Variants in AIDA observed in about 807,000 individuals in gnomAD.
The protein encoded by AIDA is axin interactor, dorsalization associated.
In AIDA, 18 loss-of-function variants were observed where a neutral mutation model predicts 42.7. That is an observed-to-expected ratio of 0.42 (90% CI 0.29 to 0.63). The LOEUF is 0.63. AIDA is among the 20% of genes least tolerant of loss of function. The pLI is 0.19. For synonymous variants in AIDA, 104 were observed against 122.9 expected, an observed-to-expected ratio of 0.85 and a Z score of 1.02; for missense variants, 250 against 354.1, an observed-to-expected ratio of 0.71 and a Z score of 2.36.
Position 222,693,845 on chromosome 1 carries a change from T to C in AIDA, c.235-2A>G. On this transcript the variant is annotated splice_acceptor_variant, in intron 3 of 9. Coordinates refer to ENST00000340020, the MANE Select transcript of AIDA (RefSeq NM_022831.4). LOFTEE classifies it high-confidence loss of function. ...AAATTCTTCTTGAGACTGTGTGGAC[T>C]AAATTTAAAATAAGCATATTACATC... 6.2e-7 allele frequency: 1 copy of C among 1,606,062 alleles called. No homozygotes were observed. Among genetic ancestry groups the C allele is most frequent in the South Asian group, 1.1e-5 (1 of 90,132 alleles).
In AIDA at chr1:222,696,949, G is replaced by GT. The variant is rs1195524218; in HGVS notation, c.181-2687dup. Among the ~76,000 whole-genome samples the GT allele has an allele frequency of 1.1e-3, 173 of 150,514 alleles. 1 individual carries two copies. The highest frequency in any genetic ancestry group is 3.4e-3 in the South Asian group (16 of 4,704). ...CAACAGGTGTTTTTTGTTTGTTTTT[G>GT]TTTTTTTTTAATATACGGAGTCTCA... On this transcript the variant is annotated intron_variant, in intron 2 of 9. Coordinates refer to ENST00000340020, the MANE Select transcript of AIDA (RefSeq NM_022831.4).
chr1:222,686,361 T>A (rs973181974), intron 6 of AIDA, among the ~76,000 whole-genome samples: 1 of 152,218 alleles, frequency 6.6e-6, no homozygotes, highest in African/African-American at 2.4e-5. Flanking sequence ...GTGAACAATA[T>A]GGTTTGTGCT....
At position 222,676,200 on chromosome 1, in the gene AIDA, A is replaced by C; in HGVS notation, c.479T>G (p.Leu160Trp). The change falls in exon 7 of 10, where the codon TTG becomes TGG. Residue 160 changes from leucine to tryptophan, a missense_variant. Physicochemically the swap from Leu to Trp is moderately conservative, Grantham distance 61. This residue lies in a region of AIDA where 199 missense variants were observed against 232.6 expected (regional missense o/e 0.86). Coordinates refer to ENST00000340020, the MANE Select transcript of AIDA (RefSeq NM_022831.4). ...TAATGTCATTCCTGGTTCCGATGGC[A>C]ACCTTGGTAATAAAGTACCTGGCAA... Reference protein sequence around the residue: ...ARVPGTLLPRLPSEPGMTLLT... With the variant: ...ARVPGTLLPRWPSEPGMTLLT... 1 of 1,609,864 alleles carries C rather than the reference A, an allele frequency of 6.2e-7. No homozygotes were observed.
chr1:222,688,427 G>A (rs963336015), intron 4 of AIDA, among the ~76,000 whole-genome samples: 7 of 152,004 alleles, frequency 4.6e-5, no homozygotes, highest in African/African-American at 1.5e-4. Context: ...TTCAGTCAGC[G>A]ACAGACCACA....
chr1:222,682,699 A>T (rs960523243), intron 6 of AIDA, among the ~76,000 whole-genome samples: 3 of 152,132 alleles, frequency 2.0e-5, no homozygotes, highest in Non-Finnish European at 4.4e-5. Flanking sequence ...CAGTCATCCA[A>T]ATTTTTTTTG....
intron 6 of AIDA, among the ~76,000 whole-genome samples, chr1:222,684,512 T>G (rs747292683): frequency 6.6e-6 from 1 of 152,218 alleles, no homozygotes; most frequent in Non-Finnish European, 1.5e-5. Context: ...AATTAAAAGT[T>G]AAGTATCATC....
In AIDA at chr1:222,676,163, T is replaced by A; in HGVS notation, c.516A>T (p.Arg172Ser). The A allele has an allele frequency of 6.2e-7, 1 of 1,613,392 alleles. No homozygotes were observed. The highest frequency in any genetic ancestry group is 8.5e-7 in the Non-Finnish European group (1 of 1,179,686). The change falls in exon 7 of 10, where the codon AGA becomes AGT. Residue 172 changes from arginine (R) to serine (S), a missense_variant. By Grantham distance (110) the Arg-to-Ser change is moderately radical. This residue lies in a region of AIDA where 199 missense variants were observed against 232.6 expected (regional missense o/e 0.86). Coordinates refer to ENST00000340020, the MANE Select transcript of AIDA (RefSeq NM_022831.4). ...SEPGMTLLTI[R>S]IEKIGLKDAG... is the part of the protein sequence containing the mutation. Reference sequence around the variant, plus strand: ...CATCTTTCAAACCAATTTTCTCAATTCTGATAGTGAGTAATGTCATTCCTG... The same window carrying A: ...CATCTTTCAAACCAATTTTCTCAATACTGATAGTGAGTAATGTCATTCCTG...
At chr1:222,690,515 C>G (rs1247647778) in intron 4 of AIDA, among the ~76,000 whole-genome samples, 1 of 152,120 alleles carries the variant, frequency 6.6e-6, no homozygotes, top group African/African-American at 2.4e-5. Flanking sequence ...ATTTTGTACT[C>G]AGTTTACTCA....
Position 222,670,195 on chromosome 1 carries a change from G to A in AIDA, c.762C>T (p.Ser254=), listed in dbSNP as rs1412259067. The change falls in exon 9 of 10, where the codon AGC becomes AGT. Residue 254 remains serine (S), a synonymous_variant. Transcript: ENST00000340020. ...KHYKPKKRFT[S]TKCFAFMEMD... The stretch of plus-strand genomic sequence containing the variant: ...TCTCCATGAAAGCAAAACACTTGGT[G>A]CTGGTAAACCTTTTTTTAGGCTTGT... 1 of 1,613,968 alleles carries A rather than the reference G, an allele frequency of 6.2e-7. No individual in the cohort carries two copies.
intron 4 of AIDA, among the ~76,000 whole-genome samples, chr1:222,692,002 A>G (rs377392820): frequency 1.3e-5 from 2 of 152,322 alleles, no homozygotes; most frequent in South Asian, 4.1e-4. Flanking sequence ...GAGTGTATCA[A>G]ATATTTAATA....
intron 2 of AIDA, among the ~76,000 whole-genome samples, chr1:222,701,678 G>A (rs1655709824): frequency 6.6e-6 from 1 of 151,848 alleles, no homozygotes; most frequent in South Asian, 2.1e-4. Context: ...TATCTATTGT[G>A]TATATTAGGA....
chr1:222,681,269 G>T (rs1168209556), intron 6 of AIDA, among the ~76,000 whole-genome samples: 1 of 152,206 alleles, frequency 6.6e-6, no homozygotes, highest in Non-Finnish European at 1.5e-5. Flanking sequence ...TTTCTTCACT[G>T]AAGTGCTGCT....
rs761773618 is a variant in AIDA at position 222,687,598 on chromosome 1, A to G, written c.350T>C (p.Leu117Ser). The change falls in exon 5 of 10, where the codon TTA becomes TCA. Residue 117 changes from leucine (L) to serine (S), a missense_variant. Physicochemically the swap from Leu to Ser is moderately radical, Grantham distance 145. Coordinates refer to ENST00000340020, the MANE Select transcript of AIDA (RefSeq NM_022831.4). Reference sequence around the variant, plus strand: ...CAAATATAAATGTTTCTTTTACCTTAATGGGACAGGCTGAACATCAAATGG... The same window carrying G: ...CAAATATAAATGTTTCTTTTACCTTGATGGGACAGGCTGAACATCAAATGG... ...EFPFDVQPVP[L>S]RRILAPGEEE... is the part of the protein sequence containing the mutation. 3 of 1,493,222 alleles carry G rather than the reference A, an allele frequency of 2.0e-6. No homozygotes were observed. The African/African-American group carries it at 4.2e-5, about 21-fold the overall frequency. The allele number at this position is 1,493,222 out of a possible 1,614,324, so 92.5% of individuals were successfully genotyped here.
chr1:222,691,395 G>A (rs1050453937), intron 4 of AIDA, among the ~76,000 whole-genome samples: 1 of 152,190 alleles, frequency 6.6e-6, no homozygotes, highest in African/African-American at 2.4e-5. Flanking sequence ...TAGCCACTCT[G>A]AATCTCAGTT....
At chr1:222,707,660 T>C (rs1275973423) in intron 1 of AIDA, among the ~76,000 whole-genome samples, 2 of 152,148 alleles carry the variant, frequency 1.3e-5, no homozygotes, top group Non-Finnish European at 2.9e-5. Context: ...TAGAGACTCA[T>C]CTCACCCTAC....
At chr1:222,671,013 G>GT (rs1657539506) in intron 8 of AIDA, among the ~76,000 whole-genome samples, 1 of 152,072 alleles carries the variant, frequency 6.6e-6, no homozygotes, top group Non-Finnish European at 1.5e-5. Context: ...GAGCCCAGGA[G>GT]TTTGAGACCA....
intron 6 of AIDA, among the ~76,000 whole-genome samples, chr1:222,676,890 T>C (rs1664552862): frequency 6.6e-6 from 1 of 151,624 alleles, no homozygotes; most frequent in Non-Finnish European, 1.5e-5. Flanking sequence ...TAATTTCCCA[T>C]TCTTTTCCTT....
chr1:222,689,479 GTGTATATATATATATATA>G (rs1427595296), intron 4 of AIDA, among the ~76,000 whole-genome samples: 16 of 45,240 alleles, frequency 3.5e-4, no homozygotes, highest in South Asian at 1.1e-3. Context: ...ATGTGTGTGT[GTGTATATATATATATATA>G]TATATATATA....
At position 222,673,446 on chromosome 1, in the gene AIDA, AAG is replaced by A. The variant is rs1215589801; in HGVS notation, c.584-13_584-12del. The A allele has an allele frequency of 4.5e-6, 7 of 1,553,058 alleles. No homozygotes were observed. Among genetic ancestry groups the A allele is most frequent in the Non-Finnish European group, 6.1e-6 (7 of 1,151,220 alleles). On this transcript the variant is annotated splice_polypyrimidine_tract_variant and intron_variant, in intron 7 of 9. Transcript: ENST00000340020. The stretch of plus-strand genomic sequence containing the variant: ...CTATGCCATTCAGATCTAAAGAGAA[AAG>A]AAGTTTCTCTTTAGGAACATTCAAA...
Sources: allele counts gnomAD v4.1 joint callset (sites outside exome capture counted in the v4.1 genomes callset), GRCh38; gene constraint gnomAD v4.1.1; regional missense constraint gnomAD v4.1.1; transcripts MANE v1.5; gene names NCBI Gene and HGNC (gene_info 2026-07-23, HGNC 2026-07-21).